The following BSN variants were observed in gnomAD, a reference collection of about 807,000 sequenced individuals.
BSN encodes the protein protein bassoon.
A neutral mutation model predicts 264.8 loss-of-function variants in BSN; 57 were observed. That is an observed-to-expected ratio of 0.22 (90% confidence interval 0.17 to 0.27). The LOEUF (loss-of-function observed/expected upper bound fraction) is 0.27. Among genes scored for constraint, BSN ranks in the 10% least tolerant of loss-of-function variants. The probability of loss-of-function intolerance (pLI) is 1.00; values close to 1 mark genes in which losing one functional copy is unlikely to be tolerated. For synonymous variants in BSN, 2,059 were observed against 2,137.3 expected, an observed-to-expected ratio of 0.96 and a Z score of 1.01; for missense variants, 4,615 against 5,232.5, an observed-to-expected ratio of 0.88 and a Z score of 3.64.
Position 49,585,392 on chromosome 3 carries a change from G to A in BSN, c.224+30566G>A, listed in dbSNP as rs899474000. On this transcript the variant is annotated intron_variant, in intron 1 of 11. Coordinates refer to ENST00000296452, the MANE Select transcript of BSN (RefSeq NM_003458.4). This position sits in a 1 kb window ranked among gnomAD's most constrained non-coding sequence, Gnocchi z 4.7. ...ATTTCCTCTCGGAACTCCTCCCCTC[G>A]TGCTTCTTCCTCTGGTGAGGCCGGC... 6.6e-6 allele frequency among the ~76,000 whole-genome samples: 1 copy of A among 151,964 alleles called. No homozygotes were observed. The highest frequency in any genetic ancestry group is 2.4e-5 in the African/African-American group (1 of 41,360).
At chr3:49,646,127 G>A (rs548488304) in intron 3 of BSN, among the ~76,000 whole-genome samples, 1 of 152,290 alleles carries the variant, frequency 6.6e-6, no homozygotes, top group South Asian at 2.1e-4. Flanking sequence ...GGAGTTCAGA[G>A]CACACAATAG....
intron 11 of BSN, among the ~76,000 whole-genome samples, chr3:49,666,515 A>G (rs2052714866): frequency 6.6e-6 from 1 of 152,254 alleles, no homozygotes; most frequent in Non-Finnish European, 1.5e-5. Flanking sequence ...AATTCAATTA[A>G]AAAGGTACTT....
Position 49,661,238 on chromosome 3 carries a change from T to G in BSN, c.9393T>G (p.Leu3131=), listed in dbSNP as rs892462023. Reference sequence around the variant, plus strand: ...CCATGCCAACCACACAGAGCACCCTTTTTCCAGTCCCCGCTGATAGCCGTG... The same window carrying G: ...CCATGCCAACCACACAGAGCACCCTGTTTCCAGTCCCCGCTGATAGCCGTG... ...QTPMPTTQST[L]FPVPADSRAP... Residue 3131 remains leucine, a synonymous_variant, in exon 6 of 12, where the codon CTT becomes CTG. Coordinates refer to ENST00000296452, the MANE Select transcript of BSN (RefSeq NM_003458.4). The G allele has an allele frequency of 1.9e-6, 3 of 1,613,680 alleles. No individual in the cohort carries two copies. Among genetic ancestry groups the G allele is most frequent in the Non-Finnish European group, 2.5e-6 (3 of 1,180,030 alleles).
intron 1 of BSN, among the ~76,000 whole-genome samples, chr3:49,557,567 A>G (rs934528182): frequency 6.9e-6 from 1 of 144,866 alleles, no homozygotes; most frequent in Non-Finnish European, 1.5e-5. Flanking sequence ...GTGGACTTGC[A>G]CCTGTCAGTT....
At chr3:49,595,403 G>T (rs1239988385) in intron 1 of BSN, among the ~76,000 whole-genome samples, 2 of 149,222 alleles carry the variant, frequency 1.3e-5, no homozygotes, top group African/African-American at 2.5e-5. Context: ...TGTTGAGGCT[G>T]GTCTTGAACT....
chr3:49,581,060 C>T (rs2051892690), intron 1 of BSN, among the ~76,000 whole-genome samples: 1 of 151,004 alleles, frequency 6.6e-6, no homozygotes, highest in South Asian at 2.1e-4. Context: ...TGGCTCACTG[C>T]AACCTCTGCC....
chr3:49,572,558 G>T (rs1478604825), intron 1 of BSN, among the ~76,000 whole-genome samples: 1 of 152,170 alleles, frequency 6.6e-6, no homozygotes, highest in African/African-American at 2.4e-5. Context: ...TTTTGAGACG[G>T]TGTCTTGCTC....
chr3:49,641,930 C>T (rs1335510904), intron 2 of BSN, among the ~76,000 whole-genome samples: 1 of 151,236 alleles, frequency 6.6e-6, no homozygotes, highest in Admixed American at 6.6e-5. Flanking sequence ...TGGGTTCATC[C>T]GAGCGGGAGG....
rs1321520136 is a variant in BSN, at chr3:49,579,436, A to G, written c.224+24610A>G. Among the ~76,000 whole-genome samples the G allele has an allele frequency of 6.8e-5, 10 of 147,516 alleles. No homozygotes were observed. The East Asian group carries it at 2.0e-3, about 29-fold the overall frequency. ...TTTTTTTTTTGAGACGGAGTCTCGC[A>G]CTGTTGCCCAGGCTGGAGTGCAGTG... On this transcript the variant is annotated intron_variant, in intron 1 of 11. Coordinates refer to ENST00000296452, the MANE Select transcript of BSN (RefSeq NM_003458.4).
Position 49,655,944 on chromosome 3 carries a change from C to A in BSN, c.6388C>A (p.Gln2130Lys). 1 of 1,611,102 alleles carries A rather than the reference C, an allele frequency of 6.2e-7. No homozygotes were observed. The highest frequency in any genetic ancestry group is 2.2e-5 in the East Asian group (1 of 44,860). Residue 2130 changes from glutamine (Q) to lysine (K), a missense_variant, in exon 5 of 12, where the codon CAG becomes AAG. Physicochemically the swap from Gln to Lys is moderately conservative, Grantham distance 53. This residue lies in a region of BSN where 3,415 missense variants were observed against 3,866.4 expected (regional missense o/e 0.88). Coordinates refer to ENST00000296452, the MANE Select transcript of BSN (RefSeq NM_003458.4). ...CCCTGACCTTGTGCAGTACCAGCCCCAGCACGGGCCCGGGCTCAGTGCTCC... is the reference window on the plus strand; with the variant it reads ...CCCTGACCTTGTGCAGTACCAGCCCAAGCACGGGCCCGGGCTCAGTGCTCC... ...GGPDLVQYQP[Q>K]HGPGLSAPQS...
chr3:49,664,718 G>A (rs2052698990), intron 9 of BSN, 81 bp from the exon 10 acceptor site: 1 of 1,585,830 alleles, frequency 6.3e-7, no homozygotes, highest in African/African-American at 1.3e-5. Flanking sequence ...GGCTGAGCTT[G>A]CCTTCACTAT....
chr3:49,573,072 T>C (rs1559594913), intron 1 of BSN, among the ~76,000 whole-genome samples: 1 of 152,194 alleles, frequency 6.6e-6, no homozygotes, highest in Non-Finnish European at 1.5e-5. Context: ...GCAAAGCTGG[T>C]GCAGCCCTAT....
intron 3 of BSN, among the ~76,000 whole-genome samples, chr3:49,645,854 C>G (rs763191156): frequency 6.6e-6 from 1 of 152,226 alleles, no homozygotes; most frequent in Non-Finnish European, 1.5e-5. Flanking sequence ...AGGTCCTTCT[C>G]CAGGTCCTAA....
intron 11 of BSN, among the ~76,000 whole-genome samples, chr3:49,666,257 A>C (rs2108102239): frequency 6.6e-6 from 1 of 152,346 alleles, no homozygotes; most frequent in African/African-American, 2.4e-5. Context: ...GGCCCGGGCC[A>C]GCACTGGTTG....
chr3:49,648,208 T>A (rs1476251586), intron 3 of BSN, among the ~76,000 whole-genome samples: 2 of 152,228 alleles, frequency 1.3e-5, no homozygotes, highest in African/African-American at 4.8e-5. Context: ...GGTGACTTGC[T>A]TCATTTAGAC....
intron 1 of BSN, among the ~76,000 whole-genome samples, chr3:49,600,737 G>A (rs560793622): frequency 2.1e-4 from 32 of 152,124 alleles, no homozygotes; most frequent in Non-Finnish European, 2.9e-4. Flanking sequence ...CAGGGAGGTC[G>A]AGGCTCTAGT....
rs1225125998 is a variant in BSN, at chr3:49,554,816, G to T, written c.214G>T (p.Gly72Cys). Residue 72 changes from glycine (G) to cysteine (C), a missense_variant, in exon 1 of 12, where the codon GGC becomes TGC. Gly to Cys is a radical substitution (Grantham distance 159). This residue lies in a region of BSN where 1,197 missense variants were observed against 1,348.0 expected (regional missense o/e 0.89). Transcript: ENST00000296452. ...GPGPGPGPGP[G>C]PGSTSRRLDP... ...CGGCCCCGGCCCCGGTCCCGGCCCTGGCCCGGGCAGGTAAGCGCGTGTCTC... is the reference window on the plus strand; with the variant it reads ...CGGCCCCGGCCCCGGTCCCGGCCCTTGCCCGGGCAGGTAAGCGCGTGTCTC... The T allele has an allele frequency of 1.6e-6, 2 of 1,219,286 alleles. No individual in the cohort carries two copies. Among genetic ancestry groups the T allele is most frequent in the African/African-American group, 1.6e-5 (1 of 63,726 alleles). The allele number at this position is 1,219,286 out of a possible 1,614,324, so 75.5% of individuals were successfully genotyped here.
chr3:49,637,041 G>A (rs956050411), intron 2 of BSN, among the ~76,000 whole-genome samples: 5 of 152,262 alleles, frequency 3.3e-5, no homozygotes, highest in African/African-American at 9.6e-5. Flanking sequence ...CTCTAGATTT[G>A]GCACCTGCAG....
Position 49,656,402 on chromosome 3 carries a change from G to T in BSN, c.6846G>T (p.Leu2282=), listed in dbSNP as rs200063434. ...SVPPAEGPVY[L]GKPAAAKAPG... is the part of the protein sequence containing the mutation. ...CACCTGCAGAAGGGCCTGTCTATCT[G>T]GGGAAACCTGCTGCTGCCAAGGCCC... Residue 2282 remains leucine (L), a synonymous_variant, in exon 5 of 12, where the codon CTG becomes CTT. Transcript: ENST00000296452. The T allele has an allele frequency of 1.9e-6, 3 of 1,590,366 alleles. No individual in the cohort carries two copies. The East Asian group carries it at 6.7e-5, about 36-fold the overall frequency.
Sources: gnomAD v4.1 joint callset for allele counts (sites outside exome capture counted in the v4.1 genomes callset) on GRCh38, gnomAD v4.1.1 for gene constraint, gnomAD v4.1.1 regional missense constraint, Gnocchi (gnomAD v3.1) non-coding constraint, MANE v1.5 for transcripts, NCBI Gene and HGNC (gene_info 2026-07-23, HGNC 2026-07-21) for gene names.